RLBP1: variants seen among roughly 807,000 people sequenced by gnomAD.
RLBP1 encodes the protein retinaldehyde binding protein 1.
A neutral mutation model predicts 36.2 loss-of-function variants in RLBP1; 26 were observed. The observed-to-expected ratio is 0.72, with a 90% CI of 0.53 to 1.00. RLBP1 has a LOEUF of 1.00. Among genes scored for constraint, RLBP1 ranks in the 50% least tolerant of loss-of-function variants. The pLI is 0.00. For synonymous variants in RLBP1, 155 were observed against 156.2 expected (o/e 0.99, Z 0.06); for missense variants, 410 against 402.4 (o/e 1.02, Z -0.16).
At position 89,214,601 on chromosome 15, in the gene RLBP1, G is replaced by A. The variant is rs1019901417; in HGVS notation, c.525+459C>T. Reference sequence around the variant, plus strand: ...CCCAACTTGGGGCAGCCCCCTTAACGGCTCAGACAAGCAAAATTGCGTACA... The same window carrying A: ...CCCAACTTGGGGCAGCCCCCTTAACAGCTCAGACAAGCAAAATTGCGTACA... On this transcript the variant is annotated intron_variant, in intron 6 of 8. Transcript: ENST00000268125. The surrounding 1 kb of genome is among the most constrained non-coding windows in gnomAD (Gnocchi z 4.6). Among the ~76,000 whole-genome samples the A allele has an allele frequency of 3.3e-5, 5 of 149,584 alleles. No individual in the cohort carries two copies. The highest frequency in any genetic ancestry group is 2.0e-4 in the East Asian group (1 of 5,062).
rs746395372 is a variant in RLBP1 at position 89,218,616 on chromosome 15, A to G, written c.90T>C (p.His30=). 7.4e-6 allele frequency: 12 copies of G among 1,614,168 alleles called. No homozygotes were observed. The highest frequency in any genetic ancestry group is 2.7e-5 in the African/African-American group (2 of 75,054). ...GGCTGCACGGGCCAAAGACAGGTCC[A>G]TGGTCCTTGGTTGTGAGCTGCTCCA... ...AQLEQLTTKD[H]GPVFGPCSQL... The change falls in exon 4 of 9, where the codon CAT becomes CAC. Residue 30 remains histidine, a synonymous_variant. Coordinates refer to ENST00000268125, the MANE Select transcript of RLBP1 (RefSeq NM_000326.5). The surrounding 1 kb of genome is among the most constrained non-coding windows in gnomAD (Gnocchi z 4.6).
rs548707031 is a variant in RLBP1 at position 89,219,225 on chromosome 15, G to A, written c.-100-150C>T. The A allele has an allele frequency of 2.5e-5, 15 of 598,014 alleles. No homozygotes were observed. In the South Asian group the frequency reaches 2.8e-4, roughly 11 times the overall value. 37.0% of individuals were successfully genotyped at this position (598,014 alleles called of 1,614,324 possible). Reference sequence around the variant, plus strand: ...TTCTGACTCTGCAGGTGCAGGCTGTGGCCTAGGAACCTGCAATTTAAAGCA... The same window carrying A: ...TTCTGACTCTGCAGGTGCAGGCTGTAGCCTAGGAACCTGCAATTTAAAGCA... On this transcript the variant is annotated intron_variant, in intron 2 of 8. Coordinates refer to ENST00000268125, the MANE Select transcript of RLBP1 (RefSeq NM_000326.5).
chr15:89,220,142 C>A (rs1303440512), intron 1 of RLBP1, among the ~76,000 whole-genome samples: 1 of 152,184 alleles, frequency 6.6e-6, no homozygotes, highest in Non-Finnish European at 1.5e-5. Flanking sequence ...TGAACCTATG[C>A]CTGCCTGACA....
In RLBP1 at chr15:89,219,066, G is replaced by A. The variant is rs2051606761; in HGVS notation, c.-91C>T. 6.7e-7 allele frequency: 1 copy of A among 1,501,334 alleles called. No individual in the cohort carries two copies. The highest frequency in any genetic ancestry group is 1.1e-5 in the South Asian group (1 of 88,686). The allele number at this position is 1,501,334 out of a possible 1,614,324, so 93.0% of individuals were successfully genotyped here. A position where few individuals can be genotyped will look rare whatever the true frequency, so the allele number is the denominator to read the frequency against. On this transcript the variant is annotated 5_prime_UTR_variant, in exon 3 of 9. Coordinates refer to ENST00000268125, the MANE Select transcript of RLBP1 (RefSeq NM_000326.5). The stretch of plus-strand genomic sequence containing the variant: ...CCAGCCGGCCCCTTCCCTAGGATAG[G>A]AAGTCAGGGCTGCAGGGGTTAGAAA...
At chr15:89,212,357 G>C (rs1473006238) in intron 6 of RLBP1, among the ~76,000 whole-genome samples, 13 of 152,104 alleles carry the variant, frequency 8.5e-5, no homozygotes, top group Admixed American at 5.2e-4. Flanking sequence ...CGAGGCAGGT[G>C]GATCACCTGA....
chr15:89,210,620 G>T lies in RLBP1; in HGVS notation c.795+79C>A. 1 of 1,268,970 alleles carries T rather than the reference G, an allele frequency of 7.9e-7. No homozygotes were observed. The highest frequency in any genetic ancestry group is 1.3e-5 in the South Asian group (1 of 78,360). The allele number at this position is 1,268,970 out of a possible 1,614,324, so 78.6% of individuals were successfully genotyped here. A position where few individuals can be genotyped will look rare whatever the true frequency, so the allele number is the denominator to read the frequency against. On this transcript the variant is annotated intron_variant, in intron 8 of 8. Coordinates refer to ENST00000268125, the MANE Select transcript of RLBP1 (RefSeq NM_000326.5). This position sits in a 1 kb window ranked among gnomAD's most constrained non-coding sequence, Gnocchi z 4.7. ...TGGGATCCACATAGCTCAGGACCAT[G>T]GTAGAGTGTGAGGAGGGCTCAGGTG...
Position 89,211,688 on chromosome 15 carries a change from C to T in RLBP1, c.684+55G>A. 6.3e-7 allele frequency: 1 copy of T among 1,587,310 alleles called. No individual in the cohort carries two copies. On this transcript the variant is annotated intron_variant, in intron 7 of 8. Coordinates refer to ENST00000268125, the MANE Select transcript of RLBP1 (RefSeq NM_000326.5). The surrounding 1 kb of genome is among the most constrained non-coding windows in gnomAD (Gnocchi z 5.8). ...CAAGCACCATGAAAGGAGGCCCAGC[C>T]TCTCAGCCTCCCCAGCTGTGGGAGG...
chr15:89,217,296 T>A lies in RLBP1; in HGVS notation c.170A>T (p.Glu57Val), dbSNP rs1478235325. 6.2e-7 allele frequency: 1 copy of A among 1,607,540 alleles called. No homozygotes were observed. Among genetic ancestry groups the A allele is most frequent in the South Asian group, 1.1e-5 (1 of 91,080 alleles). The part of the protein sequence containing the change: ...KAKDELNERE[E>V]TREEAVRELQ... ...CTCTCGCACTGCCTCCTCCCGGGTCTCCTCTCTCTCGTTCAGCTCATCCTT... is the reference window on the plus strand; with the variant it reads ...CTCTCGCACTGCCTCCTCCCGGGTCACCTCTCTCTCGTTCAGCTCATCCTT... The change falls in exon 5 of 9, where the codon GAG (glutamate) becomes GTG (valine). Residue 57 changes from glutamate (E) to valine (V), a missense_variant. By Grantham distance (121) the Glu-to-Val change is moderately radical. Coordinates refer to ENST00000268125, the MANE Select transcript of RLBP1 (RefSeq NM_000326.5).
chr15:89,218,455 A>G lies in RLBP1; in HGVS notation c.141+110T>C. 1.3e-6 allele frequency: 2 copies of G among 1,500,410 alleles called. No homozygotes were observed. Among genetic ancestry groups the G allele is most frequent in the Non-Finnish European group, 9.2e-7 (1 of 1,085,818 alleles). 92.9% of individuals were successfully genotyped at this position (1,500,410 alleles called of 1,614,324 possible). The stretch of plus-strand genomic sequence containing the variant: ...AACCGGCCAGTCTATCAGGTCCAGG[A>G]TGATCTGGAGTGCCGAGGCTGGACC... On this transcript the variant is annotated intron_variant, in intron 4 of 8. Transcript: ENST00000268125. This position sits in a 1 kb window ranked among gnomAD's most constrained non-coding sequence, Gnocchi z 4.6.
Position 89,210,933 on chromosome 15 carries a change from G to A in RLBP1, c.685-124C>T, listed in dbSNP as rs2051533023. 6 of 671,432 alleles carry A rather than the reference G, an allele frequency of 8.9e-6. 1 individual carries two copies. The highest frequency in any genetic ancestry group is 1.7e-5 in the South Asian group (1 of 60,588). The allele number at this position is 671,432 out of a possible 1,614,324, so 41.6% of individuals were successfully genotyped here. A position where few individuals can be genotyped will look rare whatever the true frequency, so the allele number is the denominator to read the frequency against. ...TGTCCAGCATCACAGGGCTGCCCTG[G>A]AGAAGGGCCCACTGAAGGTCCTATT... On this transcript the variant is annotated intron_variant, in intron 7 of 8. Transcript: ENST00000268125. This position sits in a 1 kb window ranked among gnomAD's most constrained non-coding sequence, Gnocchi z 4.7.
chr15:89,219,016 A>G lies in RLBP1; in HGVS notation c.-41T>C. 1.2e-6 allele frequency: 2 copies of G among 1,613,780 alleles called. No homozygotes were observed. The highest frequency in any genetic ancestry group is 2.2e-5 in the South Asian group (2 of 91,060). On this transcript the variant is annotated 5_prime_UTR_variant, in exon 3 of 9. Transcript: ENST00000268125. ...CACAGAGTCCTTGGAAAAAGAAGGG[A>G]TCTGCTTTCTCTGTCCTGGCCTCTC...
At chr15:89,217,443 C>T (rs1459364972) in intron 4 of RLBP1, 119 bp from the exon 5 acceptor site, 16 of 987,878 alleles carry the variant, frequency 1.6e-5, no homozygotes, top group African/African-American at 9.5e-5. Context: ...GGTCTGCAGC[C>T]GCAGCTTTGC....
intron 6 of RLBP1, among the ~76,000 whole-genome samples, 196 bp from the exon 7 acceptor site, chr15:89,212,097 G>A (rs71405639): frequency 2.0e-5 from 3 of 152,088 alleles, no homozygotes; most frequent in East Asian, 3.9e-4. Context: ...GAGGCCAGAA[G>A]GTTTATCCCA....
Position 89,211,845 on chromosome 15 carries a change from T to A in RLBP1, c.582A>T (p.Gln194His). 6.2e-7 allele frequency: 1 copy of A among 1,614,222 alleles called. No homozygotes were observed. The highest frequency in any genetic ancestry group is 8.5e-7 in the Non-Finnish European group (1 of 1,180,034). The change falls in exon 7 of 9, where the codon CAA (glutamine) becomes CAT (histidine). Residue 194 changes from glutamine to histidine, a missense_variant. Transcript: ENST00000268125. The surrounding 1 kb of genome is among the most constrained non-coding windows in gnomAD (Gnocchi z 5.8). ...LEKLLENEET[Q>H]INGFCIIENF... The stretch of plus-strand genomic sequence containing the variant: ...TCTCAATGATGCAGAAGCCATTGAT[T>A]TGAGTTTCCTCATTCTCCAGCAGCT...
chr15:89,217,927 C>T (rs1231824252), intron 4 of RLBP1, among the ~76,000 whole-genome samples: 1 of 152,176 alleles, frequency 6.6e-6, no homozygotes, highest in Non-Finnish European at 1.5e-5. Context: ...TCTCCTTGGA[C>T]AGCATGAGGA....
Position 89,218,538 on chromosome 15 carries a change from T to C in RLBP1, c.141+27A>G, listed in dbSNP as rs1379311932. ...CCCTCATGTTGCCTCCCTAGGCTGC[T>C]CCTCTCCGCACTGTCAGCCACCTCA... On this transcript the variant is annotated intron_variant, in intron 4 of 8. Coordinates refer to ENST00000268125, the MANE Select transcript of RLBP1 (RefSeq NM_000326.5). This position sits in a 1 kb window ranked among gnomAD's most constrained non-coding sequence, Gnocchi z 4.6. 2.5e-6 allele frequency: 4 copies of C among 1,614,192 alleles called. No individual in the cohort carries two copies. The East Asian group carries it at 8.9e-5, about 36-fold the overall frequency.
chr15:89,210,380 A>G lies in RLBP1; in HGVS notation c.859T>C (p.Ser287Pro). ...YQEIDENILP[S>P]DFGGTLPKYD... ...TTGGGCAGCGTGCCCCCGAAGTCAG[A>G]GGGCAGGATGTTCTCATCGATCTCC... is the stretch of plus-strand genomic sequence containing the variant. The change falls in exon 9 of 9, where the codon TCT becomes CCT. Residue 287 changes from serine to proline, a missense_variant. Physicochemically the swap from Ser to Pro is moderately conservative, Grantham distance 74. Transcript: ENST00000268125. This position sits in a 1 kb window ranked among gnomAD's most constrained non-coding sequence, Gnocchi z 4.7. The G allele has an allele frequency of 1.2e-6, 2 of 1,614,200 alleles. No homozygotes were observed. Among genetic ancestry groups the G allele is most frequent in the Middle Eastern group, 1.6e-4 (1 of 6,062 alleles).
intron 1 of RLBP1, among the ~76,000 whole-genome samples, chr15:89,220,775 C>T (rs2051620201): frequency 6.6e-6 from 1 of 152,136 alleles, no homozygotes; most frequent in African/African-American, 2.4e-5. Context: ...ACACCCCCAG[C>T]CAGTTGTGCA....
Position 89,214,449 on chromosome 15 carries a change from G to A in RLBP1, c.525+611C>T, listed in dbSNP as rs1253837108. Among the ~76,000 whole-genome samples, 3 of 152,140 alleles carry A rather than the reference G, an allele frequency of 2.0e-5. No individual in the cohort carries two copies. Among genetic ancestry groups the A allele is most frequent in the African/African-American group, 4.8e-5 (2 of 41,430 alleles). The stretch of plus-strand genomic sequence containing the variant: ...GCACTCCAGCCTGGGTGACCAGAGC[G>A]AGACTCCATCTCAAAAATAAATAAA... On this transcript the variant is annotated intron_variant, in intron 6 of 8. Transcript: ENST00000268125. This position sits in a 1 kb window ranked among gnomAD's most constrained non-coding sequence, Gnocchi z 4.6.
Sources: allele counts gnomAD v4.1 joint callset (sites outside exome capture counted in the v4.1 genomes callset), GRCh38; gene constraint gnomAD v4.1.1; non-coding constraint Gnocchi (gnomAD v3.1); transcripts MANE v1.5; gene names NCBI Gene and HGNC (gene_info 2026-07-23, HGNC 2026-07-21).